Variants in OR4F3 observed in about 807,000 individuals in gnomAD.
The protein encoded by OR4F3 is olfactory receptor family 4 subfamily F member 3.
chr5:181,355,625 G>A, the OR4F3 span, among the ~76,000 whole-genome samples: 39 of 100,572 alleles, frequency 3.9e-4, no homozygotes, highest in Non-Finnish European at 3.6e-4. Flanking sequence ...ATTGGTCAAA[G>A]CAGTCAAAGA....
the OR4F3 span, among the ~76,000 whole-genome samples, chr5:181,359,142 G>T: frequency 7.7e-6 from 1 of 130,290 alleles, no homozygotes; most frequent in Non-Finnish European, 1.6e-5. Context: ...AGGAGGAAGA[G>T]AAAAAATTTT....
chr5:181,356,594 T>C, the OR4F3 span, among the ~76,000 whole-genome samples: 1 of 134,356 alleles, frequency 7.4e-6, no homozygotes, highest in Non-Finnish European at 1.6e-5. Context: ...CACTCTGGCC[T>C]CGCGGAGCAG....
the OR4F3 span, among the ~76,000 whole-genome samples, chr5:181,356,790 TG>T: frequency 7.5e-6 from 1 of 133,282 alleles, no homozygotes; most frequent in Non-Finnish European, 1.6e-5. Flanking sequence ...TTTGTGTGAT[TG>T]TTTGATTAAT....
the OR4F3 span, among the ~76,000 whole-genome samples, chr5:181,359,210 TAATA>T: frequency 8.2e-6 from 1 of 121,556 alleles, no homozygotes; most frequent in African/African-American, 3.7e-5. Flanking sequence ...TAATTTTAGA[TAATA>T]AATAATTTGT....
upstream of OR4F3, among the ~76,000 whole-genome samples, chr5:181,362,286 A>G (rs1382834011): frequency 9.2e-6 from 1 of 109,136 alleles, no homozygotes. Context: ...GCATCTACCA[A>G]TTCTCCTGTC....
At chr5:181,357,274 A>G in the OR4F3 span, among the ~76,000 whole-genome samples, 2 of 134,132 alleles carry the variant, frequency 1.5e-5, 1 homozygote, top group African/African-American at 6.4e-5. Flanking sequence ...GGACCAGAAT[A>G]TATTTCTACT....
chr5:181,361,276 C>T, the OR4F3 span, among the ~76,000 whole-genome samples: 81 of 73,958 alleles, frequency 1.1e-3, no homozygotes, highest in African/African-American at 6.6e-3. Context: ...CCCAGTTCCT[C>T]TGTGTAGCCC....
the OR4F3 span, among the ~76,000 whole-genome samples, chr5:181,357,332 G>A: frequency 7.6e-6 from 1 of 132,382 alleles, no homozygotes; most frequent in Admixed American, 7.1e-5. Flanking sequence ...TCCTTATACA[G>A]TTATGGTTTG....
chr5:181,354,549 G>C, the OR4F3 span, among the ~76,000 whole-genome samples: 1 of 128,886 alleles, frequency 7.8e-6, no homozygotes, highest in Non-Finnish European at 1.6e-5. Context: ...CCCCAACACA[G>C]AGTCCCCACT....
chr5:181,359,175 A>G, the OR4F3 span, among the ~76,000 whole-genome samples: 2 of 129,716 alleles, frequency 1.5e-5, no homozygotes, highest in Non-Finnish European at 3.2e-5. Flanking sequence ...AAATTCATAT[A>G]TGGCTTAACC....
the OR4F3 span, among the ~76,000 whole-genome samples, chr5:181,357,986 CT>C: frequency 7.5e-5 from 3 of 40,120 alleles, no homozygotes; most frequent in African/African-American, 3.5e-4. Flanking sequence ...CCACTTCCCA[CT>C]TTTTTTCCTG....
chr5:181,348,717 G>A, the OR4F3 span, among the ~76,000 whole-genome samples: 2 of 12,974 alleles, frequency 1.5e-4, 1 homozygote, highest in African/African-American at 2.4e-4. Context: ...TCTAGTACAC[G>A]TGCTCACTGA....
At chr5:181,354,463 A>C in the OR4F3 span, among the ~76,000 whole-genome samples, 1 of 132,348 alleles carries the variant, frequency 7.6e-6, no homozygotes, top group Non-Finnish European at 1.6e-5. Flanking sequence ...ATCTCCAGAC[A>C]GAAGTTTGCT....
the OR4F3 span, among the ~76,000 whole-genome samples, chr5:181,358,278 T>A: frequency 1.5e-5 from 2 of 132,118 alleles, no homozygotes; most frequent in Non-Finnish European, 3.2e-5. Flanking sequence ...TTTATTTTTG[T>A]AATACAATTA....
upstream of OR4F3, among the ~76,000 whole-genome samples, chr5:181,362,619 A>G (rs2113313077): frequency 8.5e-6 from 1 of 118,116 alleles, no homozygotes. Context: ...TCTAATTACC[A>G]TACCTGAGAA....
chr5:181,359,245 C>T, the OR4F3 span, among the ~76,000 whole-genome samples: 8 of 100,176 alleles, frequency 8.0e-5, no homozygotes, highest in East Asian at 1.7e-3. Context: ...GTGGCTCTAA[C>T]AACACCTGCT....
At chr5:181,362,554 T>A (rs1016128078), upstream of OR4F3, among the ~76,000 whole-genome samples, 19 of 122,560 alleles carry the variant, frequency 1.6e-4, no homozygotes, top group East Asian at 3.8e-3. Context: ...TGCTGGGAAA[T>A]ATACTTAAGT....
chr5:181,357,369 G>A, the OR4F3 span, among the ~76,000 whole-genome samples: 16 of 130,228 alleles, frequency 1.2e-4, 3 homozygotes, highest in South Asian at 1.7e-3. Flanking sequence ...TTCTTTAACC[G>A]CAAACCCCAG....
chr5:181,362,876 GT>G (rs1161970894), upstream of OR4F3, among the ~76,000 whole-genome samples: 1 of 32,852 alleles, frequency 3.0e-5, no homozygotes, highest in Non-Finnish European at 5.5e-5. Context: ...TATTCTTTTG[GT>G]TTTTTTGTTG....
Sources: gnomAD v4.1 joint callset for allele counts (sites outside exome capture counted in the v4.1 genomes callset) on GRCh38, gnomAD v4.1.1 for gene constraint, MANE v1.5 for transcripts, NCBI Gene and HGNC (gene_info 2026-07-23, HGNC 2026-07-21) for gene names.